The following IFRD1 variants were observed in gnomAD, a reference collection of about 807,000 sequenced individuals.
The protein encoded by IFRD1 is interferon related developmental regulator 1, also known as interferon-related developmental regulator 1.
A neutral mutation model predicts 52.9 loss-of-function variants in IFRD1; 35 were observed. The observed-to-expected ratio is 0.66, with a 90% CI of 0.51 to 0.88. IFRD1 has a LOEUF of 0.88. IFRD1 is among the 40% of genes least tolerant of loss of function. The probability of loss-of-function intolerance (pLI) is 0.00; values close to 1 mark genes in which losing one functional copy is unlikely to be tolerated. For synonymous variants in IFRD1, 184 were observed against 188.4 expected, an observed-to-expected ratio of 0.98 and a Z score of 0.19; for missense variants, 517 against 550.8, an observed-to-expected ratio of 0.94 and a Z score of 0.61.
In IFRD1 at chr7:112,450,716, C is replaced by A; in HGVS notation, c.28C>A (p.Pro10Thr). The change falls in exon 1 of 12, where the codon CCC (proline) becomes ACC (threonine). Residue 10 changes from proline to threonine, a missense_variant. Physicochemically the swap from Pro to Thr is conservative, Grantham distance 38. Coordinates refer to ENST00000403825, the MANE Select transcript of IFRD1 (RefSeq NM_001550.4). MPKNKKRNT[P>T]HRGSSAGGGG... ...GCCGAAGAACAAGAAGCGGAACACT[C>A]CCCACCGCGGTAGCAGTGCTGGCGG... The A allele has an allele frequency of 6.2e-7, 1 of 1,612,882 alleles. No homozygotes were observed. The highest frequency in any genetic ancestry group is 8.5e-7 in the Non-Finnish European group (1 of 1,179,846).
At chr7:112,473,147 G>T (rs1036675718) in intron 11 of IFRD1, among the ~76,000 whole-genome samples, 1 of 151,870 alleles carries the variant, frequency 6.6e-6, no homozygotes, top group Non-Finnish European at 1.5e-5. Flanking sequence ...CTGCTTGTTT[G>T]CCCATTAGGT....
chr7:112,462,419 G>A, intron 8 of IFRD1, 41 bp downstream of exon 8: 2 of 1,352,806 alleles, frequency 1.5e-6, no homozygotes, highest in Non-Finnish European at 2.1e-6. Context: ...TGTGTCACAA[G>A]GCCCATTGTT....
At chr7:112,471,374 A>G (rs1584502955) in intron 9 of IFRD1, among the ~76,000 whole-genome samples, 1 of 152,276 alleles carries the variant, frequency 6.6e-6, no homozygotes. Context: ...ATTACATTAT[A>G]TACTTTGTCT....
chr7:112,424,091 C>T (rs1015164778), intron 1 of IFRD1, among the ~76,000 whole-genome samples: 1 of 151,868 alleles, frequency 6.6e-6, no homozygotes, highest in Admixed American at 6.6e-5. Flanking sequence ...AAAGTAGGGG[C>T]TTTTAAAGGG....
At position 112,462,260 on chromosome 7, in the gene IFRD1, T is replaced by A. The variant is rs374417309; in HGVS notation, c.798-10T>A. Reference sequence around the variant, plus strand: ...TTGTATTCACATAGTAATGACTAACTATTTTTTAGGCATTTCCATAAGCTT... The same window carrying A: ...TTGTATTCACATAGTAATGACTAACAATTTTTTAGGCATTTCCATAAGCTT... On this transcript the variant is annotated splice_polypyrimidine_tract_variant and intron_variant, in intron 7 of 11. Coordinates refer to ENST00000403825, the MANE Select transcript of IFRD1 (RefSeq NM_001550.4). 3.0e-5 allele frequency: 49 copies of A among 1,608,734 alleles called. No individual in the cohort carries two copies. Among genetic ancestry groups the A allele is most frequent in the Non-Finnish European group, 4.2e-5 (49 of 1,175,370 alleles).
intron 1 of IFRD1, 108 bp from the exon 2 acceptor site, chr7:112,455,653 CTG>C (rs1284414172): frequency 1.8e-5 from 13 of 735,084 alleles, no homozygotes; most frequent in Non-Finnish European, 3.2e-5. Flanking sequence ...TAAAATGAGT[CTG>C]TGGTTTTATT....
At chr7:112,474,222 A>T (rs1307508976) in intron 11 of IFRD1, among the ~76,000 whole-genome samples, 1 of 152,104 alleles carries the variant, frequency 6.6e-6, no homozygotes, top group Non-Finnish European at 1.5e-5. Flanking sequence ...CACATACAAA[A>T]TTTTTTTTGA....
At chr7:112,467,919 T>G in intron 8 of IFRD1, 62 bp from the exon 9 acceptor site, 3 of 1,446,910 alleles carry the variant, frequency 2.1e-6, no homozygotes, top group Non-Finnish European at 2.9e-6. Context: ...CTTTGTTAGC[T>G]CTATATGAGG....
rs1794674522 is a variant in IFRD1 at position 112,435,841 on chromosome 7, G to A, written c.-182+12409G>A. Among the ~76,000 whole-genome samples, 4 of 150,996 alleles carry A rather than the reference G, an allele frequency of 2.6e-5. No individual in the cohort carries two copies. In the South Asian group the frequency reaches 8.4e-4, roughly 32 times the overall value. ...TCATTAATTTTGAAATATTTTATAT[G>A]CCTATTAATCTATCAATATTTTTCT... On this transcript the variant is annotated intron_variant, in intron 1 of 12. Coordinates refer to the IFRD1 transcript ENST00000005558.
chr7:112,439,293 A>G (rs1794805399), intron 1 of IFRD1, among the ~76,000 whole-genome samples: 1 of 152,200 alleles, frequency 6.6e-6, no homozygotes, highest in Non-Finnish European at 1.5e-5. Flanking sequence ...CTTGGAACAT[A>G]TGGGACTTTT....
chr7:112,428,250 A>G lies in IFRD1; in HGVS notation c.-182+4818A>G, dbSNP rs149108549. Among the ~76,000 whole-genome samples the G allele has an allele frequency of 6.1e-3, 931 of 152,346 alleles. 4 individuals carry two copies. Among genetic ancestry groups the G allele is most frequent in the Non-Finnish European group, 7.8e-3 (529 of 68,030 alleles). Reference sequence around the variant, plus strand: ...TCACACAGGCTTTGCTTATAATACTATGGAGGCTTGGGCCTTCTCCTGATG... The same window carrying G: ...TCACACAGGCTTTGCTTATAATACTGTGGAGGCTTGGGCCTTCTCCTGATG... On this transcript the variant is annotated intron_variant, in intron 1 of 12. Coordinates refer to the IFRD1 transcript ENST00000005558.
At chr7:112,458,409 T>C (rs1795348337) in intron 4 of IFRD1, 1 of 155,200 alleles carries the variant, frequency 6.4e-6, no homozygotes, top group Non-Finnish European at 1.4e-5. Context: ...TTAAAAATGT[T>C]GGTAGGGAAA....
At chr7:112,463,915 A>G (rs1795540513) in intron 8 of IFRD1, among the ~76,000 whole-genome samples, 1 of 150,548 alleles carries the variant, frequency 6.6e-6, no homozygotes, top group African/African-American at 2.4e-5. Context: ...CTTTTCTCCA[A>G]CTTAATAAAT....
At position 112,445,120 on chromosome 7, in the gene IFRD1, G is replaced by A. The variant is rs1794989587; in HGVS notation, c.-181-5388G>A. 3.6e-5 allele frequency among the ~76,000 whole-genome samples: 5 copies of A among 139,420 alleles called. No homozygotes were observed. In the South Asian group the frequency reaches 8.8e-4, roughly 25 times the overall value. The allele number at this position is 139,420 out of a possible 152,430, so 91.5% of individuals were successfully genotyped here. A position where few individuals can be genotyped will look rare whatever the true frequency, so the allele number is the denominator to read the frequency against. On this transcript the variant is annotated intron_variant, in intron 1 of 12. Coordinates refer to the IFRD1 transcript ENST00000005558. Reference sequence around the variant, plus strand: ...CTCGCTCTGTCACCCAGGCTGGAGTGCAGTGGCGCAATCTCGGCTCACTGC... The same window carrying A: ...CTCGCTCTGTCACCCAGGCTGGAGTACAGTGGCGCAATCTCGGCTCACTGC...
At chr7:112,428,612 G>C (rs1191963972) in intron 1 of IFRD1, among the ~76,000 whole-genome samples, 6 of 152,306 alleles carry the variant, frequency 3.9e-5, no homozygotes, top group Non-Finnish European at 5.9e-5. Context: ...GGGTGACACT[G>C]TTAGTGGCTT....
At chr7:112,462,611 A>G (rs910043647) in intron 8 of IFRD1, among the ~76,000 whole-genome samples, 1 of 152,166 alleles carries the variant, frequency 6.6e-6, no homozygotes. Flanking sequence ...TTTGCTATCT[A>G]TAGAACTGAA....
In IFRD1 at chr7:112,458,897, C is replaced by A; in HGVS notation, c.446C>A (p.Ala149Glu). The A allele has an allele frequency of 6.2e-7, 1 of 1,613,920 alleles. No individual in the cohort carries two copies. The highest frequency in any genetic ancestry group is 8.5e-7 in the Non-Finnish European group (1 of 1,179,872). Reference protein sequence around the residue: ...SDEQRAAAALASVLCIQLGPG... With the variant: ...SDEQRAAAALESVLCIQLGPG... The stretch of plus-strand genomic sequence containing the variant: ...GAGCAACGTGCAGCTGCAGCGTTAG[C>A]ATCTGTTCTTTGTATTCAGCTGGGC... The change falls in exon 5 of 12, where the codon GCA becomes GAA. Residue 149 changes from alanine (A) to glutamate (E), a missense_variant. By Grantham distance (107) the Ala-to-Glu change is moderately radical. Coordinates refer to ENST00000403825, the MANE Select transcript of IFRD1 (RefSeq NM_001550.4).
At chr7:112,462,946 G>A (rs1005103860) in intron 8 of IFRD1, among the ~76,000 whole-genome samples, 1 of 152,142 alleles carries the variant, frequency 6.6e-6, no homozygotes, top group Non-Finnish European at 1.5e-5. Flanking sequence ...TTGATCAGTC[G>A]ACCCAATTTG....
intron 1 of IFRD1, among the ~76,000 whole-genome samples, chr7:112,429,677 A>G (rs542311694): frequency 1.3e-3 from 194 of 152,342 alleles, no homozygotes; most frequent in African/African-American, 4.1e-3. Flanking sequence ...CAGACACACT[A>G]AAATGGGACT....
Sources: gnomAD v4.1 joint callset for allele counts (sites outside exome capture counted in the v4.1 genomes callset) on GRCh38, gnomAD v4.1.1 for gene constraint, MANE v1.5 for transcripts, NCBI Gene and HGNC (gene_info 2026-07-23, HGNC 2026-07-21) for gene names.